SHANK2: variants seen among roughly 807,000 people sequenced by gnomAD.
SHANK2 encodes the protein SH3 and multiple ankyrin repeat domains 2, also known as SH3 and multiple ankyrin repeat domains protein 2.
A neutral mutation model predicts 133.7 loss-of-function variants in SHANK2; 43 were observed. The ratio of observed to expected loss-of-function variants is 0.32; its 90% confidence interval spans 0.25 to 0.41. The LOEUF is 0.41. SHANK2 is among the 10% of genes least tolerant of loss of function. SHANK2 has a pLI of 1.00. For synonymous variants in SHANK2, 1,017 were observed against 952.8 expected (o/e 1.07, Z -1.24); for missense variants, 1,994 against 2,235.8 (o/e 0.89, Z 2.18).
At chr11:71,212,958 G>A (rs573882287) in intron 2 of SHANK2, among the ~76,000 whole-genome samples, 4 of 151,352 alleles carry the variant, frequency 2.6e-5, no homozygotes, top group South Asian at 2.1e-4. Context: ...GACCCCAGGC[G>A]GAGGCACAGG....
At chr11:70,776,845 T>C (rs1947375718) in intron 14 of SHANK2, among the ~76,000 whole-genome samples, 1 of 150,026 alleles carries the variant, frequency 6.7e-6, no homozygotes, top group Admixed American at 6.6e-5. Flanking sequence ...ATCCATACAT[T>C]CATCCATGCA....
intron 14 of SHANK2, among the ~76,000 whole-genome samples, chr11:70,707,089 G>A (rs1484876335): frequency 6.6e-6 from 1 of 152,024 alleles, no homozygotes; most frequent in Non-Finnish European, 1.5e-5. Context: ...ATAGAAGGTG[G>A]GGCAAGGTGT....
chr11:71,193,126 A>G (rs185107523), intron 2 of SHANK2, among the ~76,000 whole-genome samples: 143 of 152,330 alleles, frequency 9.4e-4, no homozygotes, highest in African/African-American at 3.4e-3. Context: ...CAATGCAGAG[A>G]CATAACTCTG....
chr11:71,071,152 C>T (rs1465276833), intron 9 of SHANK2, among the ~76,000 whole-genome samples: 1 of 152,084 alleles, frequency 6.6e-6, no homozygotes, highest in East Asian at 1.9e-4. Flanking sequence ...ATGTTTTTTC[C>T]ATCCAAAGCA....
chr11:70,792,295 TCAACCAACCAACCAACCAAC>T (rs34682780), intron 14 of SHANK2, among the ~76,000 whole-genome samples: 10 of 137,266 alleles, frequency 7.3e-5, no homozygotes, highest in East Asian at 2.2e-4. Flanking sequence ...AAGCAATCAA[TCAACCAACCAACCAACCAAC>T]CAACCAACCA....
At chr11:71,115,173 T>C (rs1397689810) in intron 4 of SHANK2, among the ~76,000 whole-genome samples, 1 of 152,054 alleles carries the variant, frequency 6.6e-6, no homozygotes, top group Non-Finnish European at 1.5e-5. Context: ...AACCTAAGTA[T>C]CGGCATCAAT....
chr11:71,217,503 CA>C lies in SHANK2; in HGVS notation c.-13+7193del, dbSNP rs1280430190. 6.7e-3 allele frequency among the ~76,000 whole-genome samples: 941 copies of C among 141,310 alleles called. 6 individuals are homozygous for C. Among genetic ancestry groups the C allele is most frequent in the Non-Finnish European group, 0.011 (712 of 64,406 alleles). 92.7% of individuals were successfully genotyped at this position (141,310 alleles called of 152,430 possible). A position where few individuals can be genotyped will look rare whatever the true frequency, so the allele number is the denominator to read the frequency against. ...TGGGCAACAGAGCAAGACTCCGTCT[CA>C]AAAAAAAAAAAGTAAACTGTAAAAC... is the stretch of plus-strand genomic sequence containing the variant. On this transcript the variant is annotated intron_variant, in intron 2 of 25. Transcript: ENST00000601538.
chr11:70,613,763 G>GTTTTTTTTTTTTTTTTT lies in SHANK2; in HGVS notation c.2061+46064_2061+46065insAAAAAAAAAAAAAAAAA, dbSNP rs57180024. Among the ~76,000 whole-genome samples the GTTTTTTTTTTTTTTTTT allele has an allele frequency of 4.0e-5, 5 of 123,776 alleles. 2 individuals are homozygous for GTTTTTTTTTTTTTTTTT. The highest frequency in any genetic ancestry group is 9.3e-5 in the African/African-American group (3 of 32,208). The allele number at this position is 123,776 out of a possible 152,430, so 81.2% of individuals were successfully genotyped here. On this transcript the variant is annotated intron_variant, in intron 17 of 25. Coordinates refer to ENST00000601538, the MANE Select transcript of SHANK2 (RefSeq NM_012309.5). ...TGTCCTTGTAAGAAGAGGGGAACTT[G>GTTTTTTTTTTTTTTTTT]TTTTTTTTTTTTTTTCTTTGAGATG...
chr11:70,478,588 C>G (rs782447275), intron 25 of SHANK2, among the ~76,000 whole-genome samples: 22 of 152,206 alleles, frequency 1.4e-4, no homozygotes, highest in Non-Finnish European at 2.9e-4. Context: ...GCAGCAAGTC[C>G]TTACCTAGCT....
intron 2 of SHANK2, among the ~76,000 whole-genome samples, chr11:71,204,141 C>T (rs538627773): frequency 1.4e-4 from 21 of 152,162 alleles, no homozygotes; most frequent in East Asian, 7.7e-4. Context: ...TGTCCTGTTC[C>T]GAGGAAAACT....
chr11:71,103,363 G>A (rs1951749629), intron 6 of SHANK2, among the ~76,000 whole-genome samples: 2 of 152,180 alleles, frequency 1.3e-5, no homozygotes, highest in African/African-American at 2.4e-5. Context: ...GGGTAACAGT[G>A]CCAGTCTCCC....
intron 15 of SHANK2, among the ~76,000 whole-genome samples, chr11:70,667,182 G>A (rs1591726731): frequency 6.6e-6 from 1 of 152,292 alleles, no homozygotes; most frequent in East Asian, 1.9e-4. Flanking sequence ...ATGGGGTCTA[G>A]GCTGCCCTGG....
At chr11:70,583,178 C>T (rs782210321) in intron 17 of SHANK2, among the ~76,000 whole-genome samples, 47 of 152,280 alleles carry the variant, frequency 3.1e-4, no homozygotes, top group Non-Finnish European at 5.1e-4. Context: ...CTTCATCTAT[C>T]TACGGGCTCA....
intron 12 of SHANK2, among the ~76,000 whole-genome samples, chr11:70,813,120 A>T (rs1298636154): frequency 6.6e-6 from 1 of 152,096 alleles, no homozygotes; most frequent in Non-Finnish European, 1.5e-5. Context: ...ACACGGATGC[A>T]GGCCTCAGGG....
intron 15 of SHANK2, among the ~76,000 whole-genome samples, chr11:70,686,598 G>C (rs1028522771): frequency 6.6e-6 from 1 of 152,182 alleles, no homozygotes; most frequent in Non-Finnish European, 1.5e-5. Context: ...ATGCCAGGGA[G>C]AAGGAGACAA....
At chr11:71,180,502 A>T (rs577848378) in intron 2 of SHANK2, among the ~76,000 whole-genome samples, 6 of 152,326 alleles carry the variant, frequency 3.9e-5, no homozygotes, top group African/African-American at 1.2e-4. Context: ...CCCATCTAAC[A>T]GCGCTTTGTA....
At position 71,109,951 on chromosome 11, in the gene SHANK2, C is replaced by T. The variant is rs374802574; in HGVS notation, c.582G>A (p.Pro194=). ...DRGLDPNFHD[P]ETGETPLTLA... is the part of the protein sequence containing the mutation. ...CTAGCAAGTGCTCACCTCCGGTCTCCGGGTCGTGGAAATTGGGATCCAGGC... is the reference window on the plus strand; with the variant it reads ...CTAGCAAGTGCTCACCTCCGGTCTCTGGGTCGTGGAAATTGGGATCCAGGC... The change falls in exon 6 of 26, where the codon CCG becomes CCA. Residue 194 remains proline, a synonymous_variant. Transcript: ENST00000601538. 4.9e-4 allele frequency: 754 copies of T among 1,550,726 alleles called. 13 individuals are homozygous for T. The South Asian group carries it at 8.2e-3, about 17-fold the overall frequency.
intron 10 of SHANK2, among the ~76,000 whole-genome samples, chr11:70,912,189 G>A (rs782725730): frequency 2.6e-5 from 4 of 151,126 alleles, no homozygotes; most frequent in South Asian, 2.1e-4. Flanking sequence ...CACTTACCAC[G>A]TGACCTTATG....
intron 6 of SHANK2, among the ~76,000 whole-genome samples, chr11:71,106,616 A>G (rs1951804858): frequency 6.6e-6 from 1 of 152,218 alleles, no homozygotes. Flanking sequence ...ACGGCTCACA[A>G]CAACTATGGA....
Sources: gnomAD v4.1 joint callset for allele counts (sites outside exome capture counted in the v4.1 genomes callset) on GRCh38, gnomAD v4.1.1 for gene constraint, MANE v1.5 for transcripts, NCBI Gene and HGNC (gene_info 2026-07-23, HGNC 2026-07-21) for gene names.